The following PTPRD variants were observed in gnomAD, a reference collection of about 807,000 sequenced individuals.
PTPRD encodes protein tyrosine phosphatase receptor type D, also known as receptor-type tyrosine-protein phosphatase delta.
A neutral mutation model predicts 214.5 loss-of-function variants in PTPRD; 34 were observed. That is an observed-to-expected ratio of 0.16 (90% CI 0.12 to 0.21). PTPRD has a LOEUF of 0.21. Among genes scored for constraint, PTPRD ranks in the 10% least tolerant of loss-of-function variants. The pLI is 1.00. For synonymous variants in PTPRD, 1,128 were observed against 845.7 expected, an observed-to-expected ratio of 1.33 and a Z score of -5.79; for missense variants, 2,545 against 2,398.7, an observed-to-expected ratio of 1.06 and a Z score of -1.27.
rs148978523 is a variant in PTPRD, at chr9:10,134,237, T to C, written c.-544-100447A>G. Among the ~76,000 whole-genome samples, 844 of 152,276 alleles carry C rather than the reference T, an allele frequency of 5.5e-3. 5 individuals are homozygous for C. Among genetic ancestry groups the C allele is most frequent in the Admixed American group, 0.03 (462 of 15,292 alleles). ...GGTCTCCAGAGAGCTGCAGGTCTCC[T>C]GGTGACCTTATCTTTGGCTCTGGCT... On this transcript the variant is annotated intron_variant, in intron 3 of 45. Transcript: ENST00000381196.
intron 6 of PTPRD, among the ~76,000 whole-genome samples, chr9:9,748,175 G>T (rs146613506): frequency 6.6e-6 from 1 of 152,080 alleles, no homozygotes; most frequent in Admixed American, 6.5e-5. Context: ...TCTGAACTTG[G>T]TGCATATAAA....
chr9:8,823,681 GGGAAA>G (rs939950381), intron 11 of PTPRD, among the ~76,000 whole-genome samples: 2 of 43,534 alleles, frequency 4.6e-5, no homozygotes, highest in African/African-American at 1.6e-4. Flanking sequence ...GAAAAGGAAA[GGGAAA>G]GGAAAGGGAA....
At chr9:10,333,934 C>T (rs1565359998) in intron 3 of PTPRD, among the ~76,000 whole-genome samples, 1 of 151,702 alleles carries the variant, frequency 6.6e-6, no homozygotes. Flanking sequence ...GAAAATTTCC[C>T]TCATTCTGCA....
At chr9:10,608,428 C>G (rs886901304) in intron 2 of PTPRD, among the ~76,000 whole-genome samples, 1 of 152,034 alleles carries the variant, frequency 6.6e-6, no homozygotes, top group Non-Finnish European at 1.5e-5. Context: ...CATTCAATCT[C>G]AATCTACGTA....
chr9:9,008,057 A>G (rs2099488794), intron 11 of PTPRD, among the ~76,000 whole-genome samples: 1 of 145,888 alleles, frequency 6.9e-6, no homozygotes, highest in South Asian at 2.2e-4. Context: ...TGCTTTAGAA[A>G]AACAGATACG....
chr9:9,580,312 T>C (rs1351151835), intron 7 of PTPRD, among the ~76,000 whole-genome samples: 1 of 152,168 alleles, frequency 6.6e-6, no homozygotes, highest in East Asian at 1.9e-4. Context: ...GTTGTACTAA[T>C]TTACATTCCC....
chr9:8,565,900 G>A (rs1472618145), intron 14 of PTPRD, among the ~76,000 whole-genome samples: 1 of 152,112 alleles, frequency 6.6e-6, no homozygotes, highest in Non-Finnish European at 1.5e-5. Flanking sequence ...CAGTTCAAAT[G>A]CTGTTTGTAT....
chr9:10,591,703 C>A (rs1434844890), intron 2 of PTPRD, among the ~76,000 whole-genome samples: 1 of 152,056 alleles, frequency 6.6e-6, no homozygotes, highest in Non-Finnish European at 1.5e-5. Flanking sequence ...ATGGAATTCT[C>A]ATACTTTCTT....
At chr9:9,970,363 T>C (rs1479727786) in intron 4 of PTPRD, among the ~76,000 whole-genome samples, 1 of 138,908 alleles carries the variant, frequency 7.2e-6, no homozygotes, top group Admixed American at 7.8e-5. Flanking sequence ...GGCAGGAGAA[T>C]GGCGTGAACC....
intron 3 of PTPRD, among the ~76,000 whole-genome samples, chr9:10,052,858 T>A (rs1341526142): frequency 1.3e-5 from 2 of 152,166 alleles, no homozygotes; most frequent in Admixed American, 6.6e-5. Context: ...CCTCCATTCC[T>A]ATGGCAAAGA....
intron 21 of PTPRD, among the ~76,000 whole-genome samples, chr9:8,512,041 C>T (rs1219339543): frequency 6.6e-6 from 1 of 152,040 alleles, no homozygotes; most frequent in Non-Finnish European, 1.5e-5. Context: ...TATTGCACTG[C>T]TAAACAACAG....
At chr9:10,611,387 C>T (rs1371637379) in intron 2 of PTPRD, among the ~76,000 whole-genome samples, 1 of 152,106 alleles carries the variant, frequency 6.6e-6, no homozygotes, top group Non-Finnish European at 1.5e-5. Context: ...GTTATTGATT[C>T]TCTCCCTCTT....
intron 8 of PTPRD, among the ~76,000 whole-genome samples, chr9:9,507,930 C>T (rs931077410): frequency 3.3e-5 from 5 of 151,420 alleles, no homozygotes; most frequent in African/African-American, 1.2e-4. Context: ...ACTTAAAACT[C>T]ATTTCAGAAG....
intron 8 of PTPRD, among the ~76,000 whole-genome samples, chr9:9,551,405 T>G (rs1410011178): frequency 6.6e-6 from 1 of 152,042 alleles, no homozygotes; most frequent in Non-Finnish European, 1.5e-5. Flanking sequence ...CCAGTGGTAG[T>G]ACTAGGCAAC....
intron 41 of PTPRD, among the ~76,000 whole-genome samples, chr9:8,340,735 T>G (rs1024174551): frequency 6.7e-6 from 1 of 149,064 alleles, no homozygotes; most frequent in Non-Finnish European, 1.5e-5. Context: ...TAGCTCAATT[T>G]CATTGTCATA....
At chr9:8,558,152 T>C (rs1406588173) in intron 14 of PTPRD, among the ~76,000 whole-genome samples, 1 of 152,210 alleles carries the variant, frequency 6.6e-6, no homozygotes, top group African/African-American at 2.4e-5. Context: ...CTTGCCTCCC[T>C]ACCTAGGTTT....
chr9:9,165,558 A>C (rs1180793752), intron 10 of PTPRD, among the ~76,000 whole-genome samples: 2 of 152,218 alleles, frequency 1.3e-5, no homozygotes, highest in African/African-American at 4.8e-5. Context: ...GATAAAAAAG[A>C]GCCAGCTCTA....
At chr9:9,901,369 G>A (rs1434587788) in intron 5 of PTPRD, among the ~76,000 whole-genome samples, 1 of 152,154 alleles carries the variant, frequency 6.6e-6, no homozygotes, top group Non-Finnish European at 1.5e-5. Context: ...GAGGCAACAT[G>A]TGGGATAAGT....
intron 10 of PTPRD, among the ~76,000 whole-genome samples, chr9:9,051,224 A>G (rs2099684801): frequency 6.6e-6 from 1 of 152,176 alleles, no homozygotes; most frequent in Non-Finnish European, 1.5e-5. Context: ...TCTGTCAATT[A>G]AAAAATCTAA....
Sources: gnomAD v4.1 joint callset for allele counts (sites outside exome capture counted in the v4.1 genomes callset) on GRCh38, gnomAD v4.1.1 for gene constraint, MANE v1.5 for transcripts, NCBI Gene and HGNC (gene_info 2026-07-23, HGNC 2026-07-21) for gene names.